MARCHF1: variants seen among roughly 807,000 people sequenced by gnomAD.
MARCHF1 encodes E3 ubiquitin-protein ligase MARCHF1.
MARCHF1 carries 40 observed loss-of-function variants against 54.2 expected under a neutral mutation model. That is an observed-to-expected ratio of 0.74 (90% CI 0.57 to 0.96). The LOEUF (loss-of-function observed/expected upper bound fraction) is 0.96, where lower values mean the gene tolerates loss of function less well. MARCHF1 is among the 40% of genes least tolerant of loss of function. The pLI is 0.00. For synonymous variants in MARCHF1, 236 were observed against 236.3 expected, an observed-to-expected ratio of 1.00 and a Z score of 0.01; for missense variants, 586 against 656.5, an observed-to-expected ratio of 0.89 and a Z score of 1.17.
intron 2 of MARCHF1, among the ~76,000 whole-genome samples, chr4:164,028,702 A>T (rs558194342): frequency 4.2e-4 from 64 of 152,296 alleles, no homozygotes; most frequent in African/African-American, 1.5e-3. Flanking sequence ...ACAAACTTGC[A>T]CAGGTACCTC....
chr4:164,047,388 G>A (rs565075880), intron 2 of MARCHF1, among the ~76,000 whole-genome samples: 2 of 152,286 alleles, frequency 1.3e-5, no homozygotes, highest in South Asian at 4.1e-4. Flanking sequence ...CCAACATCTT[G>A]ATTTAATCTC....
chr4:163,751,805 C>CGTGTGTGTGTGTGTGT (rs72029488), intron 4 of MARCHF1, among the ~76,000 whole-genome samples: 4 of 124,416 alleles, frequency 3.2e-5, no homozygotes, highest in South Asian at 2.6e-4. Flanking sequence ...CACATGTGCA[C>CGTGTGTGTGTGTGTGT]GTGTGTGTGT....
chr4:163,891,280 C>G (rs192776299), intron 3 of MARCHF1, among the ~76,000 whole-genome samples: 10 of 151,998 alleles, frequency 6.6e-5, no homozygotes, highest in African/African-American at 2.4e-4. Context: ...AGATAAATAA[C>G]TTCACTAGCT....
intron 2 of MARCHF1, among the ~76,000 whole-genome samples, chr4:164,001,097 G>A (rs1022422754): frequency 9.2e-5 from 14 of 151,688 alleles, no homozygotes; most frequent in Non-Finnish European, 1.8e-4. Flanking sequence ...ATTTAATGTG[G>A]CCACAGTCAT....
chr4:163,946,165 TAAAAG>T (rs1228647598), intron 3 of MARCHF1, among the ~76,000 whole-genome samples: 2 of 152,232 alleles, frequency 1.3e-5, no homozygotes, highest in East Asian at 3.9e-4. Context: ...TCAGTGAAAA[TAAAAG>T]AAAGACAAAA....
In MARCHF1 at chr4:164,015,287, A is replaced by G. The variant is rs774976743; in HGVS notation, c.-247-26578T>C. Among the ~76,000 whole-genome samples the G allele has an allele frequency of 5.4e-4, 82 of 152,302 alleles. No individual in the cohort carries two copies. The Middle Eastern group carries it at 0.01, about 19-fold the overall frequency. On this transcript the variant is annotated intron_variant, in intron 2 of 9. Coordinates refer to ENST00000514618, the MANE Select transcript of MARCHF1 (RefSeq NM_001394959.1). ...TGAAACTAGACCCTTATCTCTCACC[A>G]TGTATAAAAATCAAGTAAAAATGGA...
chr4:163,962,798 T>A (rs995986320), intron 3 of MARCHF1, among the ~76,000 whole-genome samples: 31 of 152,050 alleles, frequency 2.0e-4, no homozygotes, highest in Non-Finnish European at 4.3e-4. Context: ...CACTTTTTTT[T>A]AAAATAAGCT....
At chr4:164,367,685 G>T (rs149211932) in intron 1 of MARCHF1, among the ~76,000 whole-genome samples, 1 of 148,472 alleles carries the variant, frequency 6.7e-6, no homozygotes, top group African/African-American at 2.5e-5. Context: ...TTTCTACAAC[G>T]TTTGTTTACA....
intron 2 of MARCHF1, among the ~76,000 whole-genome samples, chr4:164,069,852 G>A (rs774964638): frequency 2.6e-5 from 4 of 152,148 alleles, no homozygotes; most frequent in Non-Finnish European, 4.4e-5. Flanking sequence ...TAGAGAAGAC[G>A]TGGAATTAAC....
chr4:163,770,292 C>A (rs1221386393), intron 4 of MARCHF1, among the ~76,000 whole-genome samples: 4 of 152,040 alleles, frequency 2.6e-5, no homozygotes, highest in African/African-American at 9.7e-5. Context: ...TATTTAAAAT[C>A]CTCCCTTAAG....
intron 1 of MARCHF1, among the ~76,000 whole-genome samples, chr4:164,340,118 GC>G (rs1178811714): frequency 2.0e-5 from 3 of 151,894 alleles, no homozygotes; most frequent in Non-Finnish European, 4.4e-5. Flanking sequence ...AAAAGAAAAA[GC>G]CAGGATCCGA....
At chr4:164,328,899 AC>A (rs1247667818) in intron 1 of MARCHF1, among the ~76,000 whole-genome samples, 5 of 152,200 alleles carry the variant, frequency 3.3e-5, no homozygotes, top group African/African-American at 1.2e-4. Flanking sequence ...GTGGAGGCAT[AC>A]TAAATTACAA....
chr4:164,303,752 C>CCAA, intron 1 of MARCHF1, among the ~76,000 whole-genome samples: 1 of 626 alleles, frequency 1.6e-3, no homozygotes, highest in South Asian at 0.022. Flanking sequence ...CATCGCCTCC[C>CCAA]CAACACATAC....
chr4:164,224,574 A>G (rs1416470542), intron 1 of MARCHF1, among the ~76,000 whole-genome samples: 1 of 152,042 alleles, frequency 6.6e-6, no homozygotes, highest in Non-Finnish European at 1.5e-5. Context: ...TTCTAAAAGA[A>G]TCTAAATTAT....
intron 8 of MARCHF1, among the ~76,000 whole-genome samples, chr4:163,555,659 A>G (rs981516683): frequency 1.3e-5 from 2 of 152,214 alleles, no homozygotes; most frequent in African/African-American, 4.8e-5. Flanking sequence ...AGCTGTGTCC[A>G]TGAGGATACT....
At chr4:163,633,502 G>C (rs1742187495) in intron 5 of MARCHF1, among the ~76,000 whole-genome samples, 1 of 152,188 alleles carries the variant, frequency 6.6e-6, no homozygotes, top group Admixed American at 6.5e-5. Flanking sequence ...ATCAGCGATG[G>C]AAGATGAAAT....
At chr4:163,546,093 C>A (rs1738896484) in intron 8 of MARCHF1, among the ~76,000 whole-genome samples, 1 of 151,964 alleles carries the variant, frequency 6.6e-6, no homozygotes, top group Admixed American at 6.6e-5. Context: ...TCTGCCTCAG[C>A]CCCCAGAGTA....
At chr4:164,033,713 C>T (rs1753931180) in intron 2 of MARCHF1, among the ~76,000 whole-genome samples, 2 of 152,074 alleles carry the variant, frequency 1.3e-5, no homozygotes, top group Admixed American at 1.3e-4. Context: ...CAAATCAAAA[C>T]CACAATTAGA....
chr4:164,316,215 C>G (rs186759565), intron 1 of MARCHF1, among the ~76,000 whole-genome samples: 214 of 152,192 alleles, frequency 1.4e-3, no homozygotes, highest in African/African-American at 5.0e-3. Context: ...TTACCCACTC[C>G]CAAACAAACT....
Sources: allele counts gnomAD v4.1 joint callset (sites outside exome capture counted in the v4.1 genomes callset), GRCh38; gene constraint gnomAD v4.1.1; transcripts MANE v1.5; gene names NCBI Gene and HGNC (gene_info 2026-07-23, HGNC 2026-07-21).